Variants in VPS41 observed in about 807,000 individuals in gnomAD.
VPS41 encodes VPS41 subunit of HOPS complex.
Under a neutral mutation model 130.9 loss-of-function variants are expected in VPS41, and 85 were observed. That is an observed-to-expected ratio of 0.65 (90% CI 0.55 to 0.78). The LOEUF (loss-of-function observed/expected upper bound fraction) is 0.78. Among genes scored for constraint, VPS41 ranks in the 30% least tolerant of loss-of-function variants. The probability of loss-of-function intolerance (pLI) is 0.00; values close to 1 mark genes in which losing one functional copy is unlikely to be tolerated. For missense variants in VPS41, 874 were observed against 1,018.7 expected (o/e 0.86, Z 1.93); for synonymous variants, 335 against 332.9 (o/e 1.01, Z -0.07).
chr7:38,777,682 T>C (rs1784285021), intron 10 of VPS41, among the ~76,000 whole-genome samples: 1 of 152,230 alleles, frequency 6.6e-6, no homozygotes, highest in Non-Finnish European at 1.5e-5. Context: ...CACCACATTT[T>C]CTAAGTTTCT....
At chr7:38,766,378 A>G (rs1173130681) in intron 15 of VPS41, among the ~76,000 whole-genome samples, 1 of 152,082 alleles carries the variant, frequency 6.6e-6, no homozygotes, top group Non-Finnish European at 1.5e-5. Flanking sequence ...TTTAACTGCC[A>G]TCCTTAGGTT....
At chr7:38,841,292 A>C (rs1167529227) in intron 4 of VPS41, among the ~76,000 whole-genome samples, 1 of 152,258 alleles carries the variant, frequency 6.6e-6, no homozygotes, top group Admixed American at 6.5e-5. Flanking sequence ...ATGACTCACT[A>C]TTCTCTTGCT....
chr7:38,896,874 C>T (rs1005636029), intron 2 of VPS41, among the ~76,000 whole-genome samples: 20 of 152,168 alleles, frequency 1.3e-4, no homozygotes, highest in African/African-American at 4.8e-4. Context: ...TCTTATGAGT[C>T]CATCTATAAA....
chr7:38,817,346 G>A (rs547953068), intron 7 of VPS41, among the ~76,000 whole-genome samples: 11 of 152,344 alleles, frequency 7.2e-5, no homozygotes, highest in East Asian at 3.9e-4. Context: ...GCTCACGCCT[G>A]TCATCCCAGG....
intron 4 of VPS41, among the ~76,000 whole-genome samples, chr7:38,857,049 T>G (rs1275095880): frequency 6.6e-6 from 1 of 152,164 alleles, no homozygotes; most frequent in Non-Finnish European, 1.5e-5. Flanking sequence ...GACACAATGG[T>G]TAGATGGACA....
chr7:38,753,892 A>C (rs1268069902), intron 21 of VPS41, among the ~76,000 whole-genome samples: 2 of 152,202 alleles, frequency 1.3e-5, no homozygotes, highest in Non-Finnish European at 2.9e-5. Context: ...TTTGAAAAAA[A>C]TGCTCTATTC....
At chr7:38,752,118 T>G in intron 22 of VPS41, 58 bp downstream of exon 22, 2 of 1,605,278 alleles carry the variant, frequency 1.2e-6, no homozygotes, top group Non-Finnish European at 1.7e-6. Flanking sequence ...ACAAACAACT[T>G]ACCATCAATG....
chr7:38,821,211 G>A lies in VPS41; in HGVS notation c.376C>T (p.Pro126Ser). ...GEEFHETFDC[P>S]IKIIAVHPHF... ...ACTTGCTGAATACTTACTTTAATGG[G>A]ACAGTCAAAAGTCTCGTGAAATTCT... Residue 126 changes from proline to serine, a missense_variant, in exon 6 of 29, where the codon CCC becomes TCC. Pro to Ser is a moderately conservative substitution (Grantham distance 74). Transcript: ENST00000310301. 1 of 1,613,250 alleles carries A rather than the reference G, an allele frequency of 6.2e-7. No individual in the cohort carries two copies. The highest frequency in any genetic ancestry group is 8.5e-7 in the Non-Finnish European group (1 of 1,179,470).
chr7:38,821,571 T>C (rs555845577), intron 5 of VPS41, among the ~76,000 whole-genome samples: 4 of 152,056 alleles, frequency 2.6e-5, no homozygotes, highest in South Asian at 2.1e-4. Flanking sequence ...TAGCCAGGCA[T>C]GGTGGCGTGC....
intron 22 of VPS41, among the ~76,000 whole-genome samples, chr7:38,749,429 G>C (rs2115686624): frequency 6.6e-6 from 1 of 152,310 alleles, no homozygotes; most frequent in East Asian, 1.9e-4. Context: ...GAAAGATATA[G>C]TGTTCTGCCA....
At chr7:38,812,557 T>A (rs1236892212) in intron 7 of VPS41, among the ~76,000 whole-genome samples, 2 of 152,002 alleles carry the variant, frequency 1.3e-5, no homozygotes, top group Non-Finnish European at 2.9e-5. Context: ...TTTATTAAAG[T>A]TACAAACTTC....
chr7:38,874,683 CA>C (rs991397096), intron 2 of VPS41, among the ~76,000 whole-genome samples: 1 of 151,822 alleles, frequency 6.6e-6, no homozygotes, highest in African/African-American at 2.4e-5. Flanking sequence ...CAAACACACA[CA>C]AAAAAAACCT....
At chr7:38,822,749 A>C (rs920763401) in intron 5 of VPS41, among the ~76,000 whole-genome samples, 10 of 152,348 alleles carry the variant, frequency 6.6e-5, no homozygotes, top group Middle Eastern at 3.4e-3. Flanking sequence ...TAGGCAAACC[A>C]TTTCACAAAG....
rs527753402 is a variant in VPS41, at chr7:38,796,949, G to A, written c.451-85C>T. On this transcript the variant is annotated intron_variant, in intron 7 of 28. Coordinates refer to ENST00000310301, the MANE Select transcript of VPS41 (RefSeq NM_014396.4). ...TTACTTACTAGTTTTACCTATCCTC[G>A]TGACCAAATAACAAACAAGTCACTC... 104 of 1,508,616 alleles carry A rather than the reference G, an allele frequency of 6.9e-5. 1 individual carries two copies. The Admixed American group carries it at 8.7e-4, about 13-fold the overall frequency. The allele number at this position is 1,508,616 out of a possible 1,614,324, so 93.5% of individuals were successfully genotyped here. A position where few individuals can be genotyped will look rare whatever the true frequency, so the allele number is the denominator to read the frequency against.
chr7:38,776,735 G>A lies in VPS41; in HGVS notation c.826C>T (p.Pro276Ser). 2 of 1,612,022 alleles carry A rather than the reference G, an allele frequency of 1.2e-6. No individual in the cohort carries two copies. Among genetic ancestry groups the A allele is most frequent in the Non-Finnish European group, 1.7e-6 (2 of 1,178,454 alleles). Residue 276 changes from proline to serine, a missense_variant, in exon 11 of 29, where the codon CCT (proline) becomes TCT (serine). By Grantham distance (74) the Pro-to-Ser change is moderately conservative. Transcript: ENST00000310301. ...AGTACAACAAGCTGATCACAGAGAGGTGCAAGTCCACTGATGTAGAATTCA... is the reference window on the plus strand; with the variant it reads ...AGTACAACAAGCTGATCACAGAGAGATGCAAGTCCACTGATGTAGAATTCA... The part of the protein sequence containing the change: ...ETEFYISGLA[P>S]LCDQLVVLSY...
chr7:38,802,218 AAC>A (rs1163944519), intron 7 of VPS41, among the ~76,000 whole-genome samples: 2 of 152,160 alleles, frequency 1.3e-5, no homozygotes, highest in African/African-American at 4.8e-5. Flanking sequence ...GTTTGGCCTG[AAC>A]GGTAATTTCT....
chr7:38,898,952 C>G (rs1787079518), intron 1 of VPS41, among the ~76,000 whole-genome samples: 1 of 19,768 alleles, frequency 5.1e-5, no homozygotes, highest in Non-Finnish European at 7.8e-5. Context: ...AAACAAAGAA[C>G]AAGAAAAAAA....
rs1786292203 is a variant in VPS41, at chr7:38,869,186, A to C, written c.128T>G (p.Leu43Arg). 6.2e-7 allele frequency: 1 copy of C among 1,611,960 alleles called. No homozygotes were observed. Among genetic ancestry groups the C allele is most frequent in the East Asian group, 2.2e-5 (1 of 44,828 alleles). ...ERLSNGVTEI[L>R]QKDAASCMTV... The stretch of plus-strand genomic sequence containing the variant: ...CATGCAGCTAGCTGCATCCTTCTGA[A>C]GTATTTCAGTTACCCCATTGGAAAG... Residue 43 changes from leucine to arginine, a missense_variant, in exon 3 of 29, where the codon CTT becomes CGT. Leu to Arg is a moderately radical substitution (Grantham distance 102). Coordinates refer to ENST00000310301, the MANE Select transcript of VPS41 (RefSeq NM_014396.4).
chr7:38,731,427 C>G (rs2214668), intron 25 of VPS41, among the ~76,000 whole-genome samples: 136,018 of 152,194 alleles, frequency 0.89, 60,871 homozygotes, highest in East Asian at 0.99. Context: ...TTCATACTTG[C>G]AATTTCCCAT....
Sources: gnomAD v4.1 joint callset for allele counts (sites outside exome capture counted in the v4.1 genomes callset) on GRCh38, gnomAD v4.1.1 for gene constraint, MANE v1.5 for transcripts, NCBI Gene and HGNC (gene_info 2026-07-23, HGNC 2026-07-21) for gene names.